The following CDH22 variants were observed in gnomAD, a reference collection of about 807,000 sequenced individuals.
CDH22 encodes the protein cadherin-22.
CDH22 carries 30 observed loss-of-function variants against 58.4 expected under a neutral mutation model. The observed-to-expected ratio is 0.51, with a 90% confidence interval of 0.38 to 0.70. CDH22 has a LOEUF of 0.70. Among genes scored for constraint, CDH22 ranks in the 30% least tolerant of loss-of-function variants. The pLI is 0.00. For missense variants in CDH22, 1,014 were observed against 1,233.9 expected, an observed-to-expected ratio of 0.82 and a Z score of 2.67; for synonymous variants, 513 against 558.2, an observed-to-expected ratio of 0.92 and a Z score of 1.14.
chr20:46,235,872 G>A lies in CDH22; in HGVS notation c.550+5091C>T, dbSNP rs183878999. 2.9e-3 allele frequency among the ~76,000 whole-genome samples: 435 copies of A among 152,240 alleles called. 4 individuals are homozygous for A. The highest frequency in any genetic ancestry group is 7.0e-3 in the African/African-American group (291 of 41,526). On this transcript the variant is annotated intron_variant, in intron 3 of 11. Coordinates refer to ENST00000537909, the MANE Select transcript of CDH22 (RefSeq NM_021248.3). The stretch of plus-strand genomic sequence containing the variant: ...TTTTCAACATGGTGGACAACAAGTC[G>A]TTCTTTTAAAATATAAGCTGGATTA...
chr20:46,185,111 CA>C lies in CDH22; in HGVS notation c.1663+1476del, dbSNP rs992872713. Among the ~76,000 whole-genome samples the C allele has an allele frequency of 4.4e-5, 5 of 112,968 alleles. No homozygotes were observed. In the East Asian group the frequency reaches 6.8e-4, roughly 15 times the overall value. The allele number at this position is 112,968 out of a possible 152,430, so 74.1% of individuals were successfully genotyped here. A position where few individuals can be genotyped will look rare whatever the true frequency, so the allele number is the denominator to read the frequency against. On this transcript the variant is annotated intron_variant, in intron 10 of 11. Transcript: ENST00000537909. Reference sequence around the variant, plus strand: ...AAACAAACAAACAAACAAAAAACAACAAAAAAACCCCACACGCATACACACA... The same window carrying C: ...AAACAAACAAACAAACAAAAAACAACAAAAAACCCCACACGCATACACACA...
intron 4 of CDH22, among the ~76,000 whole-genome samples, 194 bp from the exon 5 acceptor site, chr20:46,217,187 C>T (rs754301553): frequency 3.3e-5 from 5 of 151,972 alleles, no homozygotes; most frequent in East Asian, 1.9e-4. Flanking sequence ...CACTCACACA[C>T]GCTCATACAG....
rs1307209326 is a variant in CDH22 at position 46,198,325 on chromosome 20, CACACACAT to C, written c.1423+1090_1423+1097del. On this transcript the variant is annotated intron_variant, in intron 8 of 11. Transcript: ENST00000537909. ...ACACACACACACACACACACACACA[CACACACAT>C]ATTCTTCCAGAAACTCAGGCCAAAC... Among the ~76,000 whole-genome samples, 24 of 151,380 alleles carry C rather than the reference CACACACAT, an allele frequency of 1.6e-4. No individual in the cohort carries two copies. The East Asian group carries it at 1.8e-3, about 11-fold the overall frequency.
chr20:46,259,161 A>T (rs1437386324), intron 1 of CDH22, among the ~76,000 whole-genome samples: 1 of 152,232 alleles, frequency 6.6e-6, no homozygotes, highest in Non-Finnish European at 1.5e-5. Context: ...ACAGACCGTT[A>T]GGTACTCTTG....
chr20:46,210,208 C>T lies in CDH22; in HGVS notation c.1286+99G>A, dbSNP rs6104503. ...CCCCACGCAGCCCCTTCCTTCGGCC[C>T]TGCCCGCCCCAGCCCTCCTCCCCTC... On this transcript the variant is annotated intron_variant, in intron 7 of 11. Transcript: ENST00000537909. The surrounding 1 kb of genome is among the most constrained non-coding windows in gnomAD (Gnocchi z 4.5). 8.0e-7 allele frequency: 1 copy of T among 1,244,154 alleles called. No homozygotes were observed. The highest frequency in any genetic ancestry group is 1.0e-6 in the Non-Finnish European group (1 of 967,862). The allele number at this position is 1,244,154 out of a possible 1,614,324, so 77.1% of individuals were successfully genotyped here.
rs117417177 is a variant in CDH22, at chr20:46,201,496, C to T, written c.1287-1937G>A. On this transcript the variant is annotated intron_variant, in intron 7 of 11. Transcript: ENST00000537909. ...TCAGAGCTGGGTTTGAATCCTCTGC[C>T]ACTGATTCTACCTGTGTGACCTTGG... Among the ~76,000 whole-genome samples, 199 of 152,296 alleles carry T rather than the reference C, an allele frequency of 1.3e-3. 1 individual carries two copies. In the East Asian group the frequency reaches 0.031, roughly 24 times the overall value.
At chr20:46,177,327 C>G (rs1429929150) in intron 11 of CDH22, among the ~76,000 whole-genome samples, 1 of 152,212 alleles carries the variant, frequency 6.6e-6, no homozygotes, top group African/African-American at 2.4e-5. Context: ...GCTTCTGAAA[C>G]TTGACCTCTT....
At chr20:46,181,409 T>C (rs1253370382) in intron 10 of CDH22, among the ~76,000 whole-genome samples, 2 of 152,074 alleles carry the variant, frequency 1.3e-5, no homozygotes, top group African/African-American at 4.8e-5. Flanking sequence ...GTCCTGAGGT[T>C]GGAAGAAGCA....
At position 46,199,567 on chromosome 20, in the gene CDH22, G is replaced by C; in HGVS notation, c.1287-8C>G. ...TCGCGGTCAATGGCGTACCTGCGGG[G>C]GGCAGGGCAGGGCTGATTGAAGGTG... On this transcript the variant is annotated splice_region_variant and splice_polypyrimidine_tract_variant and intron_variant, in intron 7 of 11. Coordinates refer to ENST00000537909, the MANE Select transcript of CDH22 (RefSeq NM_021248.3). The C allele has an allele frequency of 9.3e-6, 15 of 1,612,188 alleles. No individual in the cohort carries two copies. The highest frequency in any genetic ancestry group is 1.3e-5 in the Non-Finnish European group (15 of 1,179,078).
At chr20:46,209,377 G>A (rs558756245) in intron 7 of CDH22, among the ~76,000 whole-genome samples, 1 of 152,302 alleles carries the variant, frequency 6.6e-6, no homozygotes, top group East Asian at 1.9e-4. Context: ...AAAGGAGAGG[G>A]AGGTGTGGTC....
intron 8 of CDH22, among the ~76,000 whole-genome samples, chr20:46,189,123 G>A (rs953702328): frequency 1.3e-5 from 2 of 152,088 alleles, no homozygotes; most frequent in Non-Finnish European, 1.5e-5. Context: ...GGCGGGCGGC[G>A]GTCAGGAAAA....
At chr20:46,205,694 T>C (rs2085997499) in intron 7 of CDH22, among the ~76,000 whole-genome samples, 1 of 152,066 alleles carries the variant, frequency 6.6e-6, no homozygotes, top group Admixed American at 6.5e-5. Context: ...CTGAGCACTT[T>C]CCTGCCTCCT....
At chr20:46,220,744 C>T (rs1393544353) in intron 4 of CDH22, 1 of 152,272 alleles carries the variant, frequency 6.6e-6, no homozygotes, top group Non-Finnish European at 1.5e-5. Context: ...GAACTGGGGA[C>T]ACGACACTCT....
At chr20:46,297,737 G>C (rs1486139658) in intron 1 of CDH22, among the ~76,000 whole-genome samples, 3 of 152,044 alleles carry the variant, frequency 2.0e-5, no homozygotes, top group Admixed American at 2.0e-4. Flanking sequence ...GGCTTGGAGA[G>C]AAATGGTGGC....
At chr20:46,248,390 A>G (rs1379389160) in intron 2 of CDH22, among the ~76,000 whole-genome samples, 1 of 152,226 alleles carries the variant, frequency 6.6e-6, no homozygotes, top group East Asian at 1.9e-4. Flanking sequence ...TCTGACATTT[A>G]GGCAGATGCA....
intron 4 of CDH22, among the ~76,000 whole-genome samples, chr20:46,223,725 TTCTC>T (rs1401144886): frequency 2.1e-5 from 1 of 48,284 alleles, no homozygotes; most frequent in Non-Finnish European, 3.7e-5. Context: ...TTTTCTTTCT[TTCTC>T]TTTCTTTCTT....
chr20:46,284,381 AATG>A (rs1293338273), intron 1 of CDH22, among the ~76,000 whole-genome samples: 2 of 152,212 alleles, frequency 1.3e-5, no homozygotes, highest in African/African-American at 2.4e-5. Context: ...ATCTGGAAAG[AATG>A]ATGTCTTTGC....
At chr20:46,227,194 C>A (rs1389334411) in intron 4 of CDH22, among the ~76,000 whole-genome samples, 1 of 152,206 alleles carries the variant, frequency 6.6e-6, no homozygotes, top group Non-Finnish European at 1.5e-5. Context: ...CAAGGACAAG[C>A]CGCTTAGTTC....
chr20:46,280,230 A>G (rs997572566), intron 1 of CDH22, among the ~76,000 whole-genome samples: 1 of 152,160 alleles, frequency 6.6e-6, no homozygotes, highest in African/African-American at 2.4e-5. Context: ...GACCAGCCTG[A>G]TCAATATGGC....
Sources: allele counts gnomAD v4.1 joint callset (sites outside exome capture counted in the v4.1 genomes callset), GRCh38; gene constraint gnomAD v4.1.1; non-coding constraint Gnocchi (gnomAD v3.1); transcripts MANE v1.5; gene names NCBI Gene and HGNC (gene_info 2026-07-23, HGNC 2026-07-21).